Variants in PRIM2 observed in about 807,000 individuals in gnomAD.
The protein encoded by PRIM2 is DNA primase subunit 2, also known as DNA primase large subunit.
In PRIM2, 39 loss-of-function variants were observed where a neutral mutation model predicts 67.3. The ratio of observed to expected loss-of-function variants is 0.58; its 90% confidence interval spans 0.45 to 0.76. The LOEUF (loss-of-function observed/expected upper bound fraction) is 0.76. Among genes scored for constraint, PRIM2 ranks in the 30% least tolerant of loss-of-function variants. PRIM2 has a pLI of 0.00. For synonymous variants in PRIM2, 143 were observed against 198.7 expected (o/e 0.72, Z 2.36); for missense variants, 398 against 598.7 (o/e 0.66, Z 3.50).
chr6:57,567,778 G>T (rs1196901716), intron 10 of PRIM2, among the ~76,000 whole-genome samples: 1 of 151,940 alleles, frequency 6.6e-6, no homozygotes, highest in Non-Finnish European at 1.5e-5. Context: ...TCATGTTGGG[G>T]GAGATTTTTT....
intron 10 of PRIM2, among the ~76,000 whole-genome samples, chr6:57,540,067 G>C (rs1402025439): frequency 1.3e-5 from 2 of 151,882 alleles, no homozygotes; most frequent in African/African-American, 4.8e-5. Context: ...TGTTCAGAAA[G>C]GTTTTAAATT....
chr6:57,231,345 C>T, the PRIM2 span, among the ~76,000 whole-genome samples: 1 of 152,282 alleles, frequency 6.6e-6, no homozygotes, highest in South Asian at 2.1e-4. Flanking sequence ...AAAGGGATTA[C>T]TTTATTCTAC....
intron 13 of PRIM2, among the ~76,000 whole-genome samples, chr6:57,641,013 A>G (rs1179538820): frequency 5.9e-5 from 9 of 152,158 alleles, no homozygotes; most frequent in African/African-American, 2.2e-4. Flanking sequence ...AGTAACCACA[A>G]CAGCATGGTA....
At chr6:57,237,408 T>G in the PRIM2 span, among the ~76,000 whole-genome samples, 1 of 152,220 alleles carries the variant, frequency 6.6e-6, no homozygotes, top group African/African-American at 2.4e-5. Context: ...GTGCAGAAGC[T>G]CTTTAGTTTA....
chr6:57,430,393 A>G (rs4715688), intron 7 of PRIM2, among the ~76,000 whole-genome samples: 43,956 of 151,072 alleles, frequency 0.29, 6,891 homozygotes, highest in South Asian at 0.45. Flanking sequence ...AAGATATGGA[A>G]AACGAAAGTA....
chr6:57,490,666 C>A (rs1236082579), intron 7 of PRIM2, among the ~76,000 whole-genome samples: 3 of 152,108 alleles, frequency 2.0e-5, no homozygotes, highest in African/African-American at 7.2e-5. Flanking sequence ...AAGTAAAGAG[C>A]TTAATCAGAT....
chr6:57,317,097 G>C (rs1278795909), upstream of PRIM2, among the ~76,000 whole-genome samples: 1 of 152,142 alleles, frequency 6.6e-6, no homozygotes, highest in African/African-American at 2.4e-5. Context: ...CTTGTAACTT[G>C]TTTTCTCATC....
At chr6:57,362,303 A>G (rs1335740055) in intron 5 of PRIM2, among the ~76,000 whole-genome samples, 1 of 152,208 alleles carries the variant, frequency 6.6e-6, no homozygotes, top group Admixed American at 6.6e-5. Context: ...AAAAATTGCC[A>G]AAGATTTGAT....
At chr6:57,460,994 C>CTCTCA (rs1200589002) in intron 7 of PRIM2, among the ~76,000 whole-genome samples, 1 of 152,190 alleles carries the variant, frequency 6.6e-6, no homozygotes, top group African/African-American at 2.4e-5. Context: ...AACTAGAAGT[C>CTCTCA]TCTCATCTCA....
intron 11 of PRIM2, among the ~76,000 whole-genome samples, chr6:57,605,250 C>T (rs1424763218): frequency 5.9e-5 from 9 of 152,074 alleles, no homozygotes; most frequent in African/African-American, 1.9e-4. Flanking sequence ...CATTGTGTCT[C>T]GGCCGGAGTT....
intron 13 of PRIM2, among the ~76,000 whole-genome samples, chr6:57,632,709 C>A (rs1256136176): frequency 2.6e-5 from 4 of 152,242 alleles, no homozygotes; most frequent in African/African-American, 9.6e-5. Flanking sequence ...TAGACTAGAT[C>A]TGGAATCTTT....
chr6:57,490,222 T>G (rs1222614673), intron 7 of PRIM2, among the ~76,000 whole-genome samples: 15 of 152,206 alleles, frequency 9.9e-5, no homozygotes, highest in Non-Finnish European at 1.6e-4. Context: ...GAGTTACCCT[T>G]TAAAGGATTT....
chr6:57,527,485 T>C (rs1774782893), intron 8 of PRIM2, among the ~76,000 whole-genome samples: 1 of 152,212 alleles, frequency 6.6e-6, no homozygotes, highest in Non-Finnish European at 1.5e-5. Flanking sequence ...ACTACTTTAC[T>C]CAGGCTCTCA....
rs1313709909 is a variant in PRIM2 at position 57,646,821 on chromosome 6, A to G, written c.*663A>G. 5 of 152,158 alleles carry G rather than the reference A, an allele frequency of 3.3e-5. No homozygotes were observed. Among genetic ancestry groups the G allele is most frequent in the Non-Finnish European group, 5.9e-5 (4 of 68,032 alleles). The allele number at this position is 152,158 out of a possible 1,614,324, so 9.4% of individuals were successfully genotyped here. On this transcript the variant is annotated 3_prime_UTR_variant, in exon 14 of 14. Transcript: ENST00000615550. ...TAATTTTGACTCAATCCTTTTCTGGACCATTTTTGTTAATAAATATCAAAG... is the reference window on the plus strand; with the variant it reads ...TAATTTTGACTCAATCCTTTTCTGGGCCATTTTTGTTAATAAATATCAAAG...
upstream of PRIM2, among the ~76,000 whole-genome samples, chr6:57,313,463 A>C (rs914427807): frequency 6.6e-6 from 1 of 152,180 alleles, no homozygotes; most frequent in African/African-American, 2.4e-5. Flanking sequence ...CACACCAAAT[A>C]ATGCTGATAT....
At chr6:57,547,480 C>T (rs1775312275) in intron 10 of PRIM2, among the ~76,000 whole-genome samples, 1 of 152,180 alleles carries the variant, frequency 6.6e-6, no homozygotes, top group Non-Finnish European at 1.5e-5. Context: ...TGACAGCATG[C>T]ACAAACCTCT....
At chr6:57,239,614 T>TG in the PRIM2 span, among the ~76,000 whole-genome samples, 1 of 152,242 alleles carries the variant, frequency 6.6e-6, no homozygotes, top group Middle Eastern at 3.4e-3. Context: ...TGGTGGCGCA[T>TG]GCCTGTATTC....
intron 5 of PRIM2, among the ~76,000 whole-genome samples, chr6:57,351,305 A>G (rs1768850387): frequency 6.6e-6 from 1 of 151,678 alleles, no homozygotes; most frequent in Non-Finnish European, 1.5e-5. Context: ...AAAGTTTTAG[A>G]TTTTGGAGCA....
intron 7 of PRIM2, among the ~76,000 whole-genome samples, chr6:57,461,870 A>G (rs9475998): frequency 6.6e-6 from 1 of 152,362 alleles, no homozygotes; most frequent in East Asian, 1.9e-4. Flanking sequence ...TTGGTCTAAC[A>G]TGAAAGACAG....
Sources: allele counts gnomAD v4.1 joint callset (sites outside exome capture counted in the v4.1 genomes callset), GRCh38; gene constraint gnomAD v4.1.1; transcripts MANE v1.5; gene names NCBI Gene and HGNC (gene_info 2026-07-23, HGNC 2026-07-21).